The following CEACAM4 variants were observed in gnomAD, a reference collection of about 807,000 sequenced individuals.
CEACAM4 encodes the protein cell adhesion molecule CEACAM4.
A neutral mutation model predicts 28.7 loss-of-function variants in CEACAM4; 30 were observed. The observed-to-expected ratio is 1.05, with a 90% CI of 0.78 to 1.42. The LOEUF (loss-of-function observed/expected upper bound fraction) is 1.42, where lower values mean the gene tolerates loss of function less well. Ranked by LOEUF, CEACAM4 falls within the 40% of genes most tolerant of loss-of-function variation. The pLI is 0.00. For missense variants in CEACAM4, 330 were observed against 308.2 expected, an observed-to-expected ratio of 1.07 and a Z score of -0.53; for synonymous variants, 143 against 126.5, an observed-to-expected ratio of 1.13 and a Z score of -0.87.
chr19:41,624,804 T>G (rs1412034208), intron 2 of CEACAM4, among the ~76,000 whole-genome samples: 1 of 152,204 alleles, frequency 6.6e-6, no homozygotes, highest in Non-Finnish European at 1.5e-5. Flanking sequence ...GTGAATGAAC[T>G]TTAAATTATT....
rs555412980 is a variant in CEACAM4 at position 41,622,370 on chromosome 19, G to A, written c.425-602C>T. On this transcript the variant is annotated intron_variant, in intron 2 of 6. Coordinates refer to ENST00000221954, the MANE Select transcript of CEACAM4 (RefSeq NM_001817.4). The stretch of plus-strand genomic sequence containing the variant: ...TGGGATTACAGGCATGAGCCACTGC[G>A]CCCAGTCTTCCTCTTGTTTCTTCTT... Among the ~76,000 whole-genome samples, 48 of 152,206 alleles carry A rather than the reference G, an allele frequency of 3.2e-4. No homozygotes were observed. The South Asian group carries it at 7.9e-3, about 25-fold the overall frequency.
chr19:41,619,781 C>G, intron 5 of CEACAM4, 70 bp from the exon 6 acceptor site: 2 of 1,327,822 alleles, frequency 1.5e-6, no homozygotes, highest in Non-Finnish European at 2.0e-6. Flanking sequence ...CTGGAAGGTT[C>G]CTGTCTCTGA....
the CEACAM4 span, among the ~76,000 whole-genome samples, chr19:41,613,730 G>T: frequency 1.3e-5 from 2 of 152,128 alleles, no homozygotes; most frequent in Non-Finnish European, 2.9e-5. Flanking sequence ...GGGGTCAGTG[G>T]GGCAGTCATA....
downstream of CEACAM4, among the ~76,000 whole-genome samples, chr19:41,614,257 G>T (rs2070963366): frequency 6.6e-6 from 1 of 152,188 alleles, no homozygotes; most frequent in South Asian, 2.1e-4. Context: ...TGTTCCTGGA[G>T]CTCATTCCTT....
intron 5 of CEACAM4, among the ~76,000 whole-genome samples, chr19:41,620,007 G>C (rs1286117797): frequency 2.0e-5 from 3 of 152,108 alleles, no homozygotes; most frequent in Non-Finnish European, 4.4e-5. Context: ...CAGGTGTAGA[G>C]GGTCCCGGGG....
Position 41,625,618 on chromosome 19 carries a change from C to T in CEACAM4, c.407G>A (p.Gly136Asp). 1.3e-6 allele frequency: 2 copies of T among 1,579,642 alleles called. No homozygotes were observed. The highest frequency in any genetic ancestry group is 4.5e-5 in the East Asian group (2 of 44,582). Residue 136 changes from glycine to aspartate, a missense_variant, in exon 2 of 7, where the codon GGC becomes GAC. Gly to Asp is a moderately conservative substitution (Grantham distance 94). Transcript: ENST00000221954. ...TCACTCACGGTGTACGTGGAGCTGG[C>T]CAGTTGCTTGGTCAGAGTCGTAACT... ...NASYDSDQAT[G>D]QLHVHQNNVP...
chr19:41,616,104 A>G (rs2070979296), downstream of CEACAM4, among the ~76,000 whole-genome samples: 1 of 152,120 alleles, frequency 6.6e-6, no homozygotes, highest in African/African-American at 2.4e-5. Context: ...ATCTCAGCTC[A>G]CTGCAACTTG....
chr19:41,618,283 A>G (rs140418443), downstream of CEACAM4, among the ~76,000 whole-genome samples: 244 of 152,250 alleles, frequency 1.6e-3, 1 homozygote, highest in African/African-American at 5.4e-3. Flanking sequence ...TCTGACCTGG[A>G]TGCTCCTGTG....
At chr19:41,620,035 G>A (rs1157379719) in intron 5 of CEACAM4, among the ~76,000 whole-genome samples, 176 bp downstream of exon 5, 8 of 152,156 alleles carry the variant, frequency 5.3e-5, no homozygotes, top group Admixed American at 2.0e-4. Context: ...AGCACATGGC[G>A]TGGGTGGTCC....
At chr19:41,620,062 C>T (rs2071169545) in intron 5 of CEACAM4, 149 bp downstream of exon 5, 4 of 723,338 alleles carry the variant, frequency 5.5e-6, no homozygotes. Flanking sequence ...TGTAGAGAGG[C>T]CCGGATCCTG....
In CEACAM4 at chr19:41,620,216, A is replaced by G; in HGVS notation, c.622T>C (p.Phe208Leu). 1 of 1,492,320 alleles carries G rather than the reference A, an allele frequency of 6.7e-7. No homozygotes were observed. Among genetic ancestry groups the G allele is most frequent in the Non-Finnish European group, 8.9e-7 (1 of 1,126,562 alleles). 92.4% of individuals were successfully genotyped at this position (1,492,320 alleles called of 1,614,324 possible). Residue 208 changes from phenylalanine (F) to leucine (L), a missense_variant, in exon 5 of 7, where the codon TTC becomes CTC. Transcript: ENST00000221954. ...PGHGPSHRST[F>L]SAPLPSPRTA... ...TGGGGAGGGAACAGGCTTACCGAGA[A>G]GGTGGATCTGTGAGAGGGACCATGG...
At chr19:41,625,360 C>G (rs529832467) in intron 2 of CEACAM4, among the ~76,000 whole-genome samples, 50 of 152,162 alleles carry the variant, frequency 3.3e-4, no homozygotes, top group Middle Eastern at 3.4e-3. Flanking sequence ...TTGGCTGAGA[C>G]TGACCTCCCC....
At chr19:41,616,950 A>G (rs1341964332), downstream of CEACAM4, among the ~76,000 whole-genome samples, 1 of 152,238 alleles carries the variant, frequency 6.6e-6, no homozygotes, top group Non-Finnish European at 1.5e-5. Context: ...AGGGAGTGGC[A>G]GCAGATGTGC....
At chr19:41,617,809 A>G (rs1373271731), downstream of CEACAM4, among the ~76,000 whole-genome samples, 1 of 152,206 alleles carries the variant, frequency 6.6e-6, no homozygotes, top group Non-Finnish European at 1.5e-5. Context: ...ACTTTGGTTC[A>G]GGTTTCTATG....
downstream of CEACAM4, among the ~76,000 whole-genome samples, chr19:41,618,428 C>T (rs1379398261): frequency 2.6e-5 from 4 of 152,176 alleles, no homozygotes; most frequent in Non-Finnish European, 4.4e-5. Flanking sequence ...GCTCTGACAG[C>T]CCCTCTCTGT....
At chr19:41,620,766 G>T in intron 3 of CEACAM4, 139 bp from the exon 4 acceptor site, 1 of 734,198 alleles carries the variant, frequency 1.4e-6, no homozygotes, top group South Asian at 1.5e-5. Flanking sequence ...TGGTAGGAGC[G>T]GCCGAGGACG....
At chr19:41,620,545 C>T in intron 4 of CEACAM4, 30 bp downstream of exon 4, 1 of 1,599,732 alleles carries the variant, frequency 6.3e-7, no homozygotes, top group Non-Finnish European at 8.5e-7. Context: ...GGCCTAGGGG[C>T]TCCCACACCT....
chr19:41,617,866 G>A (rs2071016995), downstream of CEACAM4, among the ~76,000 whole-genome samples: 1 of 152,166 alleles, frequency 6.6e-6, no homozygotes, highest in Admixed American at 6.5e-5. Flanking sequence ...GAAAACTAAA[G>A]AGGCCTCACC....
At position 41,625,804 on chromosome 19, in the gene CEACAM4, T is replaced by C. The variant is rs2071607595; in HGVS notation, c.221A>G (p.Glu74Gly). 8 of 1,614,034 alleles carry C rather than the reference T, an allele frequency of 5.0e-6. No homozygotes were observed. The East Asian group carries it at 1.8e-4, about 36-fold the overall frequency. The change falls in exon 2 of 7, where the codon GAA becomes GGA. Residue 74 changes from glutamate to glycine, a missense_variant. Transcript: ENST00000221954. ...AYYWHKGKTAEGSPLIAGYIT... is the reference protein window; with the variant it reads ...AYYWHKGKTAGGSPLIAGYIT... Reference sequence around the variant, plus strand: ...ATAACCAGCAATGAGAGGGCTCCCTTCTGCCGTTTTCCCCTTGTGCCAATA... The same window carrying C: ...ATAACCAGCAATGAGAGGGCTCCCTCCTGCCGTTTTCCCCTTGTGCCAATA...
Sources: gnomAD v4.1 joint callset for allele counts (sites outside exome capture counted in the v4.1 genomes callset) on GRCh38, gnomAD v4.1.1 for gene constraint, MANE v1.5 for transcripts, NCBI Gene and HGNC (gene_info 2026-07-23, HGNC 2026-07-21) for gene names.